ZNF705G: variants seen among roughly 807,000 people sequenced by gnomAD.
The protein encoded by ZNF705G is putative zinc finger protein 705G.
In ZNF705G, 23 loss-of-function variants were observed where a neutral mutation model predicts 19.6. The ratio of observed to expected loss-of-function variants is 1.17; its 90% CI spans 0.84 to 1.66. ZNF705G has a LOEUF of 1.66. Ranked by LOEUF, ZNF705G falls within the 40% of genes most tolerant of loss-of-function variation. The pLI is 0.00. For missense variants in ZNF705G, 457 were observed against 354.4 expected (o/e 1.29, Z -2.32); for synonymous variants, 146 against 117.7 (o/e 1.24, Z -1.56).
At chr8:7,376,533 A>G (rs546236144) in intron 2 of ZNF705G, among the ~76,000 whole-genome samples, 2 of 116,224 alleles carry the variant, frequency 1.7e-5, no homozygotes, top group East Asian at 5.5e-4. Flanking sequence ...GCCTATCCCC[A>G]GAGCGGTGAT....
intron 6 of ZNF705G, 62 bp from the exon 7 acceptor site, chr8:7,358,622 A>G: frequency 6.3e-7 from 1 of 1,597,608 alleles, no homozygotes. Flanking sequence ...CATTCATTTC[A>G]CTACCTTTGA....
Position 7,370,184 on chromosome 8 carries a change from T to C in ZNF705G, c.-71-7167A>G, listed in dbSNP as rs541864348. ...TACTTGGGAGGCTGAGGCAGGAGAA[T>C]GACGTGAACCTAGGAGGCGGAGCTT... On this transcript the variant is annotated intron_variant, in intron 2 of 6. Transcript: ENST00000400156. Among the ~76,000 whole-genome samples, 6 of 147,270 alleles carry C rather than the reference T, an allele frequency of 4.1e-5. No individual in the cohort carries two copies. In the South Asian group the frequency reaches 1.1e-3, roughly 26 times the overall value.
In ZNF705G at chr8:7,365,287, A is replaced by G. The variant is rs539015226; in HGVS notation, c.-71-2270T>C. ...AAAAAAATGTATTGACAAACTTTTC[A>G]CCAGAGCAGAAATAACAACTTATGT... On this transcript the variant is annotated intron_variant, in intron 2 of 6. Transcript: ENST00000400156. 2.0e-5 allele frequency among the ~76,000 whole-genome samples: 3 copies of G among 149,530 alleles called. No homozygotes were observed. In the East Asian group the frequency reaches 5.8e-4, roughly 29 times the overall value.
rs770441316 is a variant in ZNF705G, at chr8:7,359,629, C to T, written c.308G>A (p.Ser103Asn). The change falls in exon 6 of 7, where the codon AGT becomes AAT. Residue 103 changes from serine (S) to asparagine (N), a missense_variant. Coordinates refer to ENST00000400156, the MANE Select transcript of ZNF705G (RefSeq NM_001164457.3). ...HPITRKDASTSMTMENSLILE... is the reference protein window; with the variant it reads ...HPITRKDASTNMTMENSLILE... ...AGCTATAAAACTTACCATTGTCATACTGGTGGATGCGTCTTTTCTGGTGAT... is the reference window on the plus strand; with the variant it reads ...AGCTATAAAACTTACCATTGTCATATTGGTGGATGCGTCTTTTCTGGTGAT... The T allele has an allele frequency of 1.2e-6, 2 of 1,606,494 alleles. 1 individual carries two copies. The highest frequency in any genetic ancestry group is 2.8e-5 in the African/African-American group (2 of 70,784).
At chr8:7,366,519 T>A (rs1420032847) in intron 2 of ZNF705G, among the ~76,000 whole-genome samples, 3 of 149,226 alleles carry the variant, frequency 2.0e-5, no homozygotes, top group Non-Finnish European at 2.9e-5. Flanking sequence ...CATCTGAAAA[T>A]CAAGGGAGAA....
intron 2 of ZNF705G, among the ~76,000 whole-genome samples, chr8:7,381,158 G>A (rs551246374): frequency 1.6e-5 from 2 of 121,834 alleles, no homozygotes; most frequent in South Asian, 5.3e-4. Flanking sequence ...ACATGGAAAT[G>A]GTTTGTAAGC....
rs772445657 is a variant in ZNF705G, at chr8:7,359,713, G to A, written c.236-12C>T. Reference sequence around the variant, plus strand: ...GGCACTTTCCCTGTCTGAAATAATTGAAAAATAAATTGTTACATTGGTATT... The same window carrying A: ...GGCACTTTCCCTGTCTGAAATAATTAAAAAATAAATTGTTACATTGGTATT... On this transcript the variant is annotated splice_polypyrimidine_tract_variant and intron_variant, in intron 5 of 6. Coordinates refer to ENST00000400156, the MANE Select transcript of ZNF705G (RefSeq NM_001164457.3). The A allele has an allele frequency of 1.0e-5, 16 of 1,606,178 alleles. No homozygotes were observed. In the African/African-American group the frequency reaches 1.8e-4, roughly 18 times the overall value.
chr8:7,358,625 A>G, intron 6 of ZNF705G, 65 bp from the exon 7 acceptor site: 3 of 1,595,888 alleles, frequency 1.9e-6, no homozygotes, highest in Non-Finnish European at 2.6e-6. Context: ...TCATTTCACT[A>G]CCTTTGAATC....
chr8:7,371,198 G>A (rs1179732567), intron 2 of ZNF705G, among the ~76,000 whole-genome samples: 16 of 125,282 alleles, frequency 1.3e-4, no homozygotes, highest in African/African-American at 4.9e-4. Flanking sequence ...TAGGTTATAT[G>A]AAATAGGCCA....
At chr8:7,374,181 C>G (rs1807178404) in intron 2 of ZNF705G, among the ~76,000 whole-genome samples, 2 of 107,406 alleles carry the variant, frequency 1.9e-5, no homozygotes, top group Admixed American at 2.2e-4. Flanking sequence ...GATACCATAT[C>G]CAATTATATT....
rs1806509936 is a variant in ZNF705G, at chr8:7,360,229, T to C, written c.235+8A>G. The stretch of plus-strand genomic sequence containing the variant: ...CCTCCTATTAGAGCACAGGACCCTG[T>C]TGCTTACTTGGATTCTGGTCTTGAA... On this transcript the variant is annotated splice_region_variant and intron_variant, in intron 5 of 6. Coordinates refer to ENST00000400156, the MANE Select transcript of ZNF705G (RefSeq NM_001164457.3). 6.3e-7 allele frequency: 1 copy of C among 1,592,016 alleles called. No homozygotes were observed. Among genetic ancestry groups the C allele is most frequent in the Non-Finnish European group, 8.5e-7 (1 of 1,178,956 alleles).
rs1050765753 is a variant in ZNF705G at position 7,368,340 on chromosome 8, T to C, written c.-71-5323A>G. Among the ~76,000 whole-genome samples the C allele has an allele frequency of 2.7e-5, 4 of 149,560 alleles. 1 individual carries two copies. Among genetic ancestry groups the C allele is most frequent in the African/African-American group, 7.7e-5 (3 of 38,966 alleles). On this transcript the variant is annotated intron_variant, in intron 2 of 6. Transcript: ENST00000400156. ...CATAAGTACTTTTGAGTGTATTATA[T>C]GTACTAGAAAGCATTCGCAGTCAAG...
chr8:7,384,831 C>T (rs1295741202), intron 1 of ZNF705G, among the ~76,000 whole-genome samples: 1 of 146,014 alleles, frequency 6.8e-6, no homozygotes, highest in African/African-American at 2.8e-5. Context: ...TAAGAATGAA[C>T]ATTCTTGAAC....
Position 7,359,609 on chromosome 8 carries a change from T to C in ZNF705G, c.318+10A>G. 1 of 1,606,370 alleles carries C rather than the reference T, an allele frequency of 6.2e-7. No individual in the cohort carries two copies. Among genetic ancestry groups the C allele is most frequent in the Non-Finnish European group, 8.5e-7 (1 of 1,179,134 alleles). On this transcript the variant is annotated intron_variant, in intron 6 of 6. Coordinates refer to ENST00000400156, the MANE Select transcript of ZNF705G (RefSeq NM_001164457.3). ...CTTAGATGACTGGTGTACACAGCTA[T>C]AAAACTTACCATTGTCATACTGGTG...
At chr8:7,366,455 A>C (rs1383192039) in intron 2 of ZNF705G, among the ~76,000 whole-genome samples, 1 of 149,718 alleles carries the variant, frequency 6.7e-6, no homozygotes, top group Non-Finnish European at 1.5e-5. Flanking sequence ...CAACATATTT[A>C]GATACAATAA....
At position 7,358,195 on chromosome 8, in the gene ZNF705G, A is replaced by T. The variant is rs1297914727; in HGVS notation, c.684T>A (p.Tyr228Ter). The change falls in exon 7 of 7, where the codon TAT (tyrosine) becomes TAA (stop). Residue 228 changes from tyrosine (Y) to a stop codon, truncating the protein, a stop_gained. Transcript: ENST00000400156. LOFTEE classifies it high-confidence loss of function. ...HEKTHTGQRP[Y>*]KCHQYGKVFI... ...AGACTTTCCCATATTGATGACACTT[A>T]TATGGTCTCTGTCCCGTGTGAGTTT... 6.2e-7 allele frequency: 1 copy of T among 1,607,630 alleles called. No individual in the cohort carries two copies. Among genetic ancestry groups the T allele is most frequent in the South Asian group, 1.1e-5 (1 of 90,722 alleles).
rs1373941555 is a variant in ZNF705G, at chr8:7,358,271, T to A, written c.608A>T (p.His203Leu). 5.0e-6 allele frequency: 8 copies of A among 1,607,652 alleles called. No homozygotes were observed. The highest frequency in any genetic ancestry group is 2.3e-4 in the Middle Eastern group (1 of 4,424). Residue 203 changes from histidine to leucine, a missense_variant, in exon 7 of 7, where the codon CAT becomes CTT. His to Leu is a moderately conservative substitution (Grantham distance 99). Transcript: ENST00000400156. ...CTGAGTGAAGGCTTTTCTACATAGA[T>A]GACATGCATATGGCCTCTCTCCAGT... Reference protein sequence around the residue: ...THTGERPYACHLCRKAFTQCS... With the variant: ...THTGERPYACLLCRKAFTQCS...
intron 2 of ZNF705G, among the ~76,000 whole-genome samples, chr8:7,370,345 G>GA (rs958041291): frequency 6.7e-6 from 1 of 148,156 alleles, no homozygotes; most frequent in East Asian, 1.9e-4. Context: ...ACAAATATAT[G>GA]AAAAAAATTC....
Position 7,357,011 on chromosome 8 carries a change from C to T in ZNF705G, c.*965G>A, listed in dbSNP as rs184279826. On this transcript the variant is annotated 3_prime_UTR_variant, in exon 7 of 7. Coordinates refer to ENST00000400156, the MANE Select transcript of ZNF705G (RefSeq NM_001164457.3). ...TTAAGAGTTTTTTCTAGGGGTCCAA[C>T]TTCTTGACTCACTTTTCTGATGAGA... 1.3e-5 allele frequency: 2 copies of T among 149,864 alleles called. No homozygotes were observed. The highest frequency in any genetic ancestry group is 6.6e-5 in the Admixed American group (1 of 15,224). The allele number at this position is 149,864 out of a possible 1,614,324, so 9.3% of individuals were successfully genotyped here.
Sources: gnomAD v4.1 joint callset for allele counts (sites outside exome capture counted in the v4.1 genomes callset) on GRCh38, gnomAD v4.1.1 for gene constraint, MANE v1.5 for transcripts, NCBI Gene and HGNC (gene_info 2026-07-23, HGNC 2026-07-21) for gene names.